ESYT2: variants seen among roughly 807,000 people sequenced by gnomAD.
ESYT2 encodes the protein extended synaptotagmin 2, also known as extended synaptotagmin-2.
A neutral mutation model predicts 107.2 loss-of-function variants in ESYT2; 54 were observed. The ratio of observed to expected loss-of-function variants is 0.50; its 90% CI spans 0.40 to 0.63. ESYT2 has a LOEUF of 0.63. ESYT2 is among the 30% of genes least tolerant of loss of function. The pLI, the probability that ESYT2 is intolerant of heterozygous loss-of-function variation, is 0.00. For missense variants in ESYT2, 1,020 were observed against 1,094.5 expected, an observed-to-expected ratio of 0.93 and a Z score of 0.96; for synonymous variants, 491 against 434.1, an observed-to-expected ratio of 1.13 and a Z score of -1.63.
Position 158,812,195 on chromosome 7 carries a change from G to A in ESYT2, c.331-13123C>T, listed in dbSNP as rs73525635. ...AGGACGGGGGAGCCCCTCTGGAGGA[G>A]TACATGCTTCAGAGCAGGGATGGGC... On this transcript the variant is annotated intron_variant, in intron 1 of 22. Coordinates refer to ENST00000275418, the MANE Select transcript of ESYT2 (RefSeq NM_001367773.1). 2.2e-3 allele frequency among the ~76,000 whole-genome samples: 332 copies of A among 152,324 alleles called. 1 individual carries two copies. The highest frequency in any genetic ancestry group is 0.01 in the Middle Eastern group (3 of 294).
intron 1 of ESYT2, among the ~76,000 whole-genome samples, chr7:158,817,993 C>G (rs150044734): frequency 3.0e-4 from 46 of 152,208 alleles, no homozygotes; most frequent in Middle Eastern, 3.4e-3. Context: ...ACAGATCTAC[C>G]TTACTCTGGG....
At chr7:158,817,118 T>A (rs1293868521) in intron 1 of ESYT2, among the ~76,000 whole-genome samples, 1 of 152,114 alleles carries the variant, frequency 6.6e-6, no homozygotes, top group African/African-American at 2.4e-5. Context: ...TCTGAACAGC[T>A]CCTCCTCTCT....
chr7:158,815,012 A>C (rs1840109592), intron 1 of ESYT2, among the ~76,000 whole-genome samples: 1 of 152,222 alleles, frequency 6.6e-6, no homozygotes, highest in Admixed American at 6.5e-5. Context: ...CTCACCTCTG[A>C]CATTAGCAGA....
chr7:158,791,415 G>A (rs755302333), intron 4 of ESYT2, among the ~76,000 whole-genome samples: 8 of 152,086 alleles, frequency 5.3e-5, no homozygotes, highest in Admixed American at 2.6e-4. Context: ...CTCAAGTCCC[G>A]GCTTTCAATT....
At chr7:158,800,700 TA>T (rs1045059143) in intron 1 of ESYT2, among the ~76,000 whole-genome samples, 1 of 148,130 alleles carries the variant, frequency 6.8e-6, no homozygotes, top group African/African-American at 2.6e-5. Context: ...CACTTTTTTT[TA>T]AATAGGTTTC....
chr7:158,801,043 G>A (rs374212454), intron 1 of ESYT2, among the ~76,000 whole-genome samples: 14 of 152,128 alleles, frequency 9.2e-5, no homozygotes, highest in Non-Finnish European at 1.6e-4. Context: ...TGATGGACAC[G>A]AGCACGGGAG....
At chr7:158,791,690 C>A (rs1839298119) in intron 4 of ESYT2, among the ~76,000 whole-genome samples, 1 of 152,188 alleles carries the variant, frequency 6.6e-6, no homozygotes, top group Non-Finnish European at 1.5e-5. Flanking sequence ...AGTATCTTTC[C>A]ATGTGCTTCC....
intron 1 of ESYT2, among the ~76,000 whole-genome samples, chr7:158,809,061 T>A (rs921948320): frequency 6.6e-6 from 1 of 152,138 alleles, no homozygotes; most frequent in Non-Finnish European, 1.5e-5. Flanking sequence ...GATGTTCTGA[T>A]TGACAGCAAC....
intron 1 of ESYT2, among the ~76,000 whole-genome samples, chr7:158,828,102 G>C (rs1204836020): frequency 6.6e-6 from 1 of 151,836 alleles, no homozygotes; most frequent in Non-Finnish European, 1.5e-5. Context: ...AAAATGCTCA[G>C]TCTCACAATT....
chr7:158,809,154 G>T lies in ESYT2; in HGVS notation c.331-10082C>A, dbSNP rs372484776. On this transcript the variant is annotated intron_variant, in intron 1 of 22. Transcript: ENST00000275418. ...GGGGGGGCTACTGTAGTAAACTTTG[G>T]ATCACATTAAGCCAATTAAAAAATG... Among the ~76,000 whole-genome samples the T allele has an allele frequency of 7.9e-5, 12 of 152,022 alleles. No homozygotes were observed. The South Asian group carries it at 2.5e-3, about 32-fold the overall frequency.
intron 4 of ESYT2, among the ~76,000 whole-genome samples, chr7:158,792,308 G>A (rs1192140013): frequency 6.6e-6 from 1 of 151,196 alleles, no homozygotes; most frequent in Non-Finnish European, 1.5e-5. Context: ...TGGATCACTT[G>A]AGCCCAGGAG....
At chr7:158,826,921 T>C (rs1036843110) in intron 1 of ESYT2, among the ~76,000 whole-genome samples, 1 of 151,412 alleles carries the variant, frequency 6.6e-6, no homozygotes, top group Non-Finnish European at 1.5e-5. Flanking sequence ...TCCCTGCACT[T>C]GGGGAGGCCA....
chr7:158,761,355 T>C (rs112570101), intron 11 of ESYT2, 141 bp downstream of exon 11: 14 of 689,444 alleles, frequency 2.0e-5, no homozygotes, highest in East Asian at 7.5e-5. Flanking sequence ...TCTTAGTATA[T>C]GTTAAGTAAA....
intron 6 of ESYT2, among the ~76,000 whole-genome samples, chr7:158,782,480 T>G: frequency 1.9e-5 from 1 of 51,822 alleles, no homozygotes; most frequent in East Asian, 3.2e-4. Flanking sequence ...GTGAGAACAG[T>G]GAGAGGTGTG....
chr7:158,815,161 A>G (rs1840114921), intron 1 of ESYT2, among the ~76,000 whole-genome samples: 1 of 151,782 alleles, frequency 6.6e-6, no homozygotes, highest in Admixed American at 6.6e-5. Flanking sequence ...TTTCTGTTAC[A>G]CTCCTCCGAG....
At chr7:158,737,253 T>C (rs1467103597) in intron 19 of ESYT2, 74 bp from the exon 20 acceptor site, 2 of 1,515,748 alleles carry the variant, frequency 1.3e-6, no homozygotes, top group Non-Finnish European at 1.8e-6. Flanking sequence ...TCAGATATGC[T>C]TTATCAAGCT....
At chr7:158,824,676 A>C (rs978949721) in intron 1 of ESYT2, among the ~76,000 whole-genome samples, 4 of 152,232 alleles carry the variant, frequency 2.6e-5, no homozygotes, top group Non-Finnish European at 4.4e-5. Flanking sequence ...CAACTGTCAG[A>C]ACAGTTAAGT....
At chr7:158,809,190 A>G (rs1839918826) in intron 1 of ESYT2, among the ~76,000 whole-genome samples, 1 of 151,698 alleles carries the variant, frequency 6.6e-6, no homozygotes, top group Non-Finnish European at 1.5e-5. Flanking sequence ...GGCAAAAGTG[A>G]CGGGGCGTGG....
chr7:158,818,149 AG>A (rs1840197315), intron 1 of ESYT2, among the ~76,000 whole-genome samples: 1 of 152,268 alleles, frequency 6.6e-6, no homozygotes, highest in Non-Finnish European at 1.5e-5. Context: ...TATTCACAAA[AG>A]GAAGTTAATG....
Sources: allele counts gnomAD v4.1 joint callset (sites outside exome capture counted in the v4.1 genomes callset), GRCh38; gene constraint gnomAD v4.1.1; transcripts MANE v1.5; gene names NCBI Gene and HGNC (gene_info 2026-07-23, HGNC 2026-07-21).